PTGER4: variants seen among roughly 807,000 people sequenced by gnomAD.
PTGER4 encodes prostaglandin E2 receptor EP4 subtype.
PTGER4 carries 11 observed loss-of-function variants against 33.2 expected under a neutral mutation model. The observed-to-expected ratio is 0.33, with a 90% CI of 0.21 to 0.55. The LOEUF (loss-of-function observed/expected upper bound fraction) is 0.55, where lower values mean the gene tolerates loss of function less well. Ranked by LOEUF, PTGER4 falls within the 20% of genes least tolerant of loss-of-function variation. The probability of loss-of-function intolerance (pLI) is 0.92; values close to 1 mark genes in which losing one functional copy is unlikely to be tolerated. For synonymous variants in PTGER4, 275 were observed against 281.5 expected, an observed-to-expected ratio of 0.98 and a Z score of 0.23; for missense variants, 481 against 650.2, an observed-to-expected ratio of 0.74 and a Z score of 2.83.
the PTGER4 span, among the ~76,000 whole-genome samples, chr5:40,729,702 C>T: frequency 1.3e-5 from 2 of 151,942 alleles, no homozygotes; most frequent in African/African-American, 2.4e-5. Flanking sequence ...TTTTTATTTA[C>T]TTATTTATTT....
intron 2 of PTGER4, among the ~76,000 whole-genome samples, chr5:40,687,691 A>G (rs558173707): frequency 6.6e-6 from 1 of 152,336 alleles, no homozygotes; most frequent in East Asian, 1.9e-4. Context: ...CTGCAAAGTA[A>G]AACTCATATT....
At chr5:40,734,147 A>G in the PTGER4 span, among the ~76,000 whole-genome samples, 2 of 152,316 alleles carry the variant, frequency 1.3e-5, no homozygotes, top group Admixed American at 6.5e-5. Flanking sequence ...TCATCAACTT[A>G]TTCAATTCTT....
chr5:40,684,124 A>AC (rs879580832), intron 2 of PTGER4, among the ~76,000 whole-genome samples: 1,544 of 74,080 alleles, frequency 0.021, 51 homozygotes, highest in African/African-American at 0.069. Context: ...CCACCCACCC[A>AC]CCCCCCCCCC....
chr5:40,705,772 A>C, the PTGER4 span, among the ~76,000 whole-genome samples: 13 of 152,196 alleles, frequency 8.5e-5, no homozygotes, highest in Non-Finnish European at 1.8e-4. Flanking sequence ...AAACCATGAG[A>C]TACCATCTCA....
In PTGER4 at chr5:40,683,634, T is replaced by TG. The variant is rs1411839693; in HGVS notation, c.867+1776dup. Among the ~76,000 whole-genome samples the TG allele has an allele frequency of 6.6e-6, 1 of 152,262 alleles. No individual in the cohort carries two copies. Among genetic ancestry groups the TG allele is most frequent in the Non-Finnish European group, 1.5e-5 (1 of 68,042 alleles). ...ATGCACATACTTTATAAATGTGTTT[T>TG]GGTTGGAAGTAAGCATGTAAAGCTA... On this transcript the variant is annotated intron_variant, in intron 2 of 2. Coordinates refer to ENST00000302472, the MANE Select transcript of PTGER4 (RefSeq NM_000958.3). The surrounding 1 kb of genome is among the most constrained non-coding windows in gnomAD (Gnocchi z 4.2).
chr5:40,745,107 G>A, the PTGER4 span, among the ~76,000 whole-genome samples: 1 of 152,110 alleles, frequency 6.6e-6, no homozygotes, highest in Non-Finnish European at 1.5e-5. Context: ...TGTCATGGGG[G>A]ATAAAAGTAG....
At chr5:40,729,422 T>C in the PTGER4 span, among the ~76,000 whole-genome samples, 4 of 152,238 alleles carry the variant, frequency 2.6e-5, no homozygotes, top group African/African-American at 7.2e-5. Flanking sequence ...GATAACCTAT[T>C]CAAGTGCTCA....
the PTGER4 span, among the ~76,000 whole-genome samples, chr5:40,727,630 G>T: frequency 6.6e-6 from 1 of 152,208 alleles, no homozygotes; most frequent in Admixed American, 6.5e-5. Context: ...ATATTCTACT[G>T]TCTTCCTTCC....
At chr5:40,725,506 T>C in the PTGER4 span, among the ~76,000 whole-genome samples, 1 of 152,172 alleles carries the variant, frequency 6.6e-6, no homozygotes, top group Non-Finnish European at 1.5e-5. Context: ...AATTAGTATT[T>C]ATTGCACATT....
chr5:40,716,154 T>C, the PTGER4 span: 3 of 1,599,976 alleles, frequency 1.9e-6, no homozygotes, highest in Non-Finnish European at 2.6e-6. Context: ...TTCATCGGGC[T>C]TTGATAAAAA....
rs745461810 is a variant in PTGER4, at chr5:40,681,607, T to G, written c.614T>G (p.Leu205Arg). The stretch of plus-strand genomic sequence containing the variant: ...CTCGCCACCGTCCTCTGCAACGTGC[T>G]TGTGTGCGGCGCGCTGCTCCGCATG... Reference protein sequence around the residue: ...LILATVLCNVLVCGALLRMHR... With the variant: ...LILATVLCNVRVCGALLRMHR... Residue 205 changes from leucine (L) to arginine (R), a missense_variant, in exon 2 of 3, where the codon CTT (leucine) becomes CGT (arginine). By Grantham distance (102) the Leu-to-Arg change is moderately radical (BLOSUM62 -2). Coordinates refer to ENST00000302472, the MANE Select transcript of PTGER4 (RefSeq NM_000958.3). This position sits in a 1 kb window ranked among gnomAD's most constrained non-coding sequence, Gnocchi z 9.8. 2.5e-6 allele frequency: 4 copies of G among 1,607,412 alleles called. No homozygotes were observed. The highest frequency in any genetic ancestry group is 3.4e-6 in the Non-Finnish European group (4 of 1,179,932).
chr5:40,688,508 C>A (rs1741387042), intron 2 of PTGER4, among the ~76,000 whole-genome samples: 2 of 152,278 alleles, frequency 1.3e-5, no homozygotes, highest in South Asian at 4.1e-4. Context: ...ATTCCATTGT[C>A]AGGAAATAAT....
chr5:40,742,283 A>G, the PTGER4 span, among the ~76,000 whole-genome samples: 1 of 152,170 alleles, frequency 6.6e-6, no homozygotes, highest in Non-Finnish European at 1.5e-5. Flanking sequence ...AGAAATATAT[A>G]GCCAATCAAG....
the PTGER4 span, among the ~76,000 whole-genome samples, chr5:40,742,515 T>C: frequency 6.6e-6 from 1 of 152,122 alleles, no homozygotes. Context: ...ACAGCAGAAC[T>C]AGGATAAGAA....
the PTGER4 span, among the ~76,000 whole-genome samples, chr5:40,740,449 A>C: frequency 6.6e-6 from 1 of 152,060 alleles, no homozygotes; most frequent in Admixed American, 6.6e-5. Flanking sequence ...ACTTTCCTTC[A>C]AAACTAAATG....
In PTGER4 at chr5:40,681,235, T is replaced by G; in HGVS notation, c.242T>G (p.Met81Arg). The change falls in exon 2 of 3, where the codon ATG (methionine) becomes AGG (arginine). Residue 81 changes from methionine (M) to arginine (R), a missense_variant. This residue lies in a region of PTGER4 where 61 missense variants were observed against 145.2 expected (regional missense o/e 0.42). Transcript: ENST00000302472. The surrounding 1 kb of genome is among the most constrained non-coding windows in gnomAD (Gnocchi z 9.8). ...LVSPVTIATY[M>R]KGQWPGGQPL... ...AGCCCGGTGACCATCGCCACGTACATGAAGGGCCAATGGCCCGGGGGCCAG... is the reference window on the plus strand; with the variant it reads ...AGCCCGGTGACCATCGCCACGTACAGGAAGGGCCAATGGCCCGGGGGCCAG... 3.1e-6 allele frequency: 5 copies of G among 1,614,100 alleles called. No individual in the cohort carries two copies. The highest frequency in any genetic ancestry group is 4.2e-6 in the Non-Finnish European group (5 of 1,180,022).
At chr5:40,714,625 T>C in the PTGER4 span, 1 of 152,146 alleles carries the variant, frequency 6.6e-6, no homozygotes, top group Non-Finnish European at 1.5e-5. Context: ...AATTAACATA[T>C]TTTTTGGAGC....
chr5:40,726,187 A>G, the PTGER4 span, among the ~76,000 whole-genome samples: 1 of 148,688 alleles, frequency 6.7e-6, no homozygotes, highest in East Asian at 2.0e-4. Flanking sequence ...ATATATATAT[A>G]AAATGTATAC....
the PTGER4 span, among the ~76,000 whole-genome samples, chr5:40,706,495 A>G: frequency 1.3e-5 from 2 of 152,138 alleles, no homozygotes; most frequent in Admixed American, 6.6e-5. Flanking sequence ...TAAAAAGTAA[A>G]ATAACTTAAG....
Sources: gnomAD v4.1 joint callset for allele counts (sites outside exome capture counted in the v4.1 genomes callset) on GRCh38, gnomAD v4.1.1 for gene constraint, gnomAD v4.1.1 regional missense constraint, Gnocchi (gnomAD v3.1) non-coding constraint, MANE v1.5 for transcripts, NCBI Gene and HGNC (gene_info 2026-07-23, HGNC 2026-07-21) for gene names.